CNBD1: variants seen among roughly 807,000 people sequenced by gnomAD.
The protein encoded by CNBD1 is cyclic nucleotide binding domain containing 1.
In CNBD1, 71 loss-of-function variants were observed where a neutral mutation model predicts 54.4. The ratio of observed to expected loss-of-function variants is 1.30; its 90% confidence interval spans 1.08 to 1.59. CNBD1 has a LOEUF of 1.59. Ranked by LOEUF, CNBD1 falls within the 40% of genes most tolerant of loss-of-function variation. The pLI, the probability that CNBD1 is intolerant of heterozygous loss-of-function variation, is 0.00. For missense variants in CNBD1, 659 were observed against 518.0 expected (o/e 1.27, Z -2.64); for synonymous variants, 182 against 170.7 (o/e 1.07, Z -0.51).
At chr8:87,208,200 A>G (rs1016633916) in intron 5 of CNBD1, among the ~76,000 whole-genome samples, 3 of 152,266 alleles carry the variant, frequency 2.0e-5, no homozygotes, top group East Asian at 3.9e-4. Context: ...TTTTCTGGCC[A>G]CTAGTTCTTA....
At chr8:87,047,438 G>A (rs532508060) in intron 4 of CNBD1, among the ~76,000 whole-genome samples, 19 of 152,158 alleles carry the variant, frequency 1.2e-4, no homozygotes, top group Non-Finnish European at 2.8e-4. Context: ...CCAGCAATTA[G>A]TCTTGCTGTA....
At chr8:87,026,525 T>C (rs985186620) in intron 4 of CNBD1, among the ~76,000 whole-genome samples, 1 of 152,150 alleles carries the variant, frequency 6.6e-6, no homozygotes, top group Non-Finnish European at 1.5e-5. Flanking sequence ...AGATTATTGG[T>C]TTATATTTCA....
chr8:87,308,338 T>C (rs1809198990), intron 8 of CNBD1, among the ~76,000 whole-genome samples: 1 of 152,206 alleles, frequency 6.6e-6, no homozygotes, highest in Admixed American at 6.6e-5. Flanking sequence ...GTTTCATCCA[T>C]CTGGGAGTCA....
At chr8:87,347,417 G>C (rs1048248883) in intron 8 of CNBD1, among the ~76,000 whole-genome samples, 2 of 152,132 alleles carry the variant, frequency 1.3e-5, no homozygotes, top group Non-Finnish European at 2.9e-5. Context: ...AAATATCCTT[G>C]CCTTGATGGA....
At chr8:87,367,419 T>A (rs1190184536) in intron 10 of CNBD1, among the ~76,000 whole-genome samples, 4 of 152,078 alleles carry the variant, frequency 2.6e-5, no homozygotes, top group Non-Finnish European at 4.4e-5. Flanking sequence ...CCCTTGCAGA[T>A]GGTGAAGCTT....
At chr8:87,118,352 C>T (rs897732554) in intron 4 of CNBD1, among the ~76,000 whole-genome samples, 4 of 145,772 alleles carry the variant, frequency 2.7e-5, no homozygotes, top group Admixed American at 6.9e-5. Flanking sequence ...AGCGGTACAA[C>T]GGTATATGAG....
intron 8 of CNBD1, among the ~76,000 whole-genome samples, chr8:87,290,802 G>A (rs1347981707): frequency 6.6e-6 from 1 of 152,096 alleles, no homozygotes; most frequent in East Asian, 1.9e-4. Flanking sequence ...CTTTCTTCTG[G>A]CTTCTATTGT....
At chr8:87,208,510 A>C (rs191484217) in intron 5 of CNBD1, among the ~76,000 whole-genome samples, 1 of 152,076 alleles carries the variant, frequency 6.6e-6, no homozygotes, top group East Asian at 1.9e-4. Context: ...GATATAATTT[A>C]CTGAAGTCAA....
At chr8:87,201,843 C>G (rs1391972928) in intron 4 of CNBD1, among the ~76,000 whole-genome samples, 1 of 152,064 alleles carries the variant, frequency 6.6e-6, no homozygotes, top group Non-Finnish European at 1.5e-5. Context: ...CTCACTGTCT[C>G]CCAGGTTCAA....
chr8:87,371,596 C>T (rs1810799063), intron 10 of CNBD1, among the ~76,000 whole-genome samples: 1 of 151,950 alleles, frequency 6.6e-6, no homozygotes, highest in East Asian at 1.9e-4. Context: ...CAATAAAATA[C>T]TGGCAAACTG....
At chr8:87,233,988 A>G (rs535248216) in intron 5 of CNBD1, among the ~76,000 whole-genome samples, 4 of 152,202 alleles carry the variant, frequency 2.6e-5, no homozygotes, top group South Asian at 4.1e-4. Context: ...AGTGTTCACA[A>G]CCTACTCATT....
chr8:86,941,992 A>G (rs1233877065), intron 4 of CNBD1, among the ~76,000 whole-genome samples: 3 of 152,172 alleles, frequency 2.0e-5, no homozygotes, highest in Admixed American at 2.0e-4. Flanking sequence ...GGACTTTGAC[A>G]TGGCAAAACT....
intron 3 of CNBD1, among the ~76,000 whole-genome samples, chr8:86,931,570 G>T (rs189860790): frequency 4.6e-5 from 7 of 152,092 alleles, no homozygotes; most frequent in Non-Finnish European, 1.0e-4. Flanking sequence ...GAACCACAAA[G>T]GTTTGTTTGT....
intron 8 of CNBD1, among the ~76,000 whole-genome samples, chr8:87,342,054 A>T (rs1810075371): frequency 6.6e-6 from 1 of 152,096 alleles, no homozygotes; most frequent in Non-Finnish European, 1.5e-5. Flanking sequence ...CGGGCAGATC[A>T]CAAGGTCAGG....
intron 10 of CNBD1, among the ~76,000 whole-genome samples, chr8:87,375,908 C>T (rs1810920670): frequency 6.6e-6 from 1 of 151,888 alleles, no homozygotes; most frequent in Non-Finnish European, 1.5e-5. Flanking sequence ...TGGATCTACT[C>T]AGACTATGTT....
chr8:87,256,109 A>C (rs1467707916), intron 6 of CNBD1, among the ~76,000 whole-genome samples: 2 of 136,820 alleles, frequency 1.5e-5, no homozygotes, highest in Non-Finnish European at 3.1e-5. Context: ...TGCAACCTCT[A>C]CCTCCTGGGT....
chr8:86,891,947 A>G (rs1563812510), intron 2 of CNBD1, among the ~76,000 whole-genome samples: 1 of 151,978 alleles, frequency 6.6e-6, no homozygotes, highest in South Asian at 2.1e-4. Flanking sequence ...TATTTATTCT[A>G]ATAGCTTTTG....
At chr8:87,226,117 T>G (rs971959897) in intron 5 of CNBD1, among the ~76,000 whole-genome samples, 1 of 152,236 alleles carries the variant, frequency 6.6e-6, no homozygotes, top group African/African-American at 2.4e-5. Flanking sequence ...TGCATCTGTT[T>G]GATTCTTCTC....
chr8:87,142,051 T>G (rs992354928), intron 4 of CNBD1, among the ~76,000 whole-genome samples: 1 of 152,186 alleles, frequency 6.6e-6, no homozygotes, highest in South Asian at 2.1e-4. Context: ...ACGACACTAG[T>G]CTTTCACTTG....
Sources: gnomAD v4.1 joint callset for allele counts (sites outside exome capture counted in the v4.1 genomes callset) on GRCh38, gnomAD v4.1.1 for gene constraint, MANE v1.5 for transcripts, NCBI Gene and HGNC (gene_info 2026-07-23, HGNC 2026-07-21) for gene names.